Variants in IL7 observed in about 807,000 individuals in gnomAD.
IL7 encodes interleukin 7.
Under a neutral mutation model 21.6 loss-of-function variants are expected in IL7, and 3 were observed. That is an observed-to-expected ratio of 0.14 (90% CI 0.06 to 0.36). The LOEUF is 0.36. IL7 is among the 10% of genes least tolerant of loss of function. The pLI, the probability that IL7 is intolerant of heterozygous loss-of-function variation, is 1.00. For missense variants in IL7, 175 were observed against 200.2 expected (o/e 0.87, Z 0.76); for synonymous variants, 62 against 68.1 (o/e 0.91, Z 0.44).
At chr8:78,757,702 G>A (rs1047105699) in intron 2 of IL7, among the ~76,000 whole-genome samples, 1 of 151,986 alleles carries the variant, frequency 6.6e-6, no homozygotes, top group Non-Finnish European at 1.5e-5. Flanking sequence ...TATAAGTATA[G>A]CTACTCCTGC....
chr8:78,680,244 C>T (rs1047269406), intron 4 of IL7, among the ~76,000 whole-genome samples: 9 of 131,268 alleles, frequency 6.9e-5, no homozygotes, highest in Non-Finnish European at 1.2e-4. Flanking sequence ...AAGCAAAGTA[C>T]AGTCCGCAGT....
intron 2 of IL7, chr8:78,760,578 A>T (rs1205328453): frequency 6.4e-7 from 1 of 1,554,846 alleles, no homozygotes; most frequent in African/African-American, 1.4e-5. Flanking sequence ...AAAGTATTGA[A>T]TTTGAGTTGT....
At chr8:78,777,985 A>G (rs1235441601) in intron 2 of IL7, among the ~76,000 whole-genome samples, 1 of 151,906 alleles carries the variant, frequency 6.6e-6, no homozygotes, top group African/African-American at 2.4e-5. Flanking sequence ...CTACATCCAA[A>G]TCTCCTCTAG....
At chr8:78,771,750 A>G (rs923891601) in intron 2 of IL7, among the ~76,000 whole-genome samples, 1 of 152,112 alleles carries the variant, frequency 6.6e-6, no homozygotes, top group Non-Finnish European at 1.5e-5. Context: ...GAGGAAGCAC[A>G]CATTCTTCAG....
chr8:78,685,001 T>C (rs911970597), intron 4 of IL7, among the ~76,000 whole-genome samples: 10 of 152,114 alleles, frequency 6.6e-5, no homozygotes, highest in African/African-American at 2.2e-4. Flanking sequence ...CATCAAAAAA[T>C]TTATATACAT....
chr8:78,762,208 A>G, intron 2 of IL7: 7 of 1,585,596 alleles, frequency 4.4e-6, no homozygotes, highest in East Asian at 2.2e-5. Flanking sequence ...GAACTGTCCT[A>G]TAAGGACCAG....
Position 78,738,640 on chromosome 8 carries a change from T to C in IL7, c.229-5A>G. On this transcript the variant is annotated splice_region_variant and splice_polypyrimidine_tract_variant and intron_variant, in intron 3 of 5. Transcript: ENST00000263851. ...ACGGAATAAAAACATACCTTCCTAT[T>C]ATAGGAAAAAGTCAGAAGGGCCATG... The C allele has an allele frequency of 6.2e-7, 1 of 1,611,220 alleles. No individual in the cohort carries two copies. Among genetic ancestry groups the C allele is most frequent in the Non-Finnish European group, 8.5e-7 (1 of 1,178,740 alleles).
chr8:78,713,669 T>TGCTTG (rs1301931456), downstream of IL7, among the ~76,000 whole-genome samples: 1 of 152,184 alleles, frequency 6.6e-6, no homozygotes, highest in Non-Finnish European at 1.5e-5. Flanking sequence ...AGTGATTCTT[T>TGCTTG]GCTTGTTGAA....
At chr8:78,679,187 G>A (rs1481492733) in intron 4 of IL7, 1 of 152,136 alleles carries the variant, frequency 6.6e-6, no homozygotes, top group Admixed American at 6.5e-5. Flanking sequence ...GTTGTTCAGT[G>A]TCCAGATATA....
chr8:78,749,462 C>T (rs554319026), intron 2 of IL7, among the ~76,000 whole-genome samples: 1 of 151,972 alleles, frequency 6.6e-6, no homozygotes, highest in South Asian at 2.1e-4. Context: ...AAACCACTGC[C>T]CTAAAGTTGG....
rs550257227 is a variant in IL7 at position 78,726,707 on chromosome 8, C to A, written n.268-5267G>T. Among the ~76,000 whole-genome samples the A allele has an allele frequency of 5.9e-4, 90 of 152,038 alleles. 1 individual carries two copies. The South Asian group carries it at 8.5e-3, about 14-fold the overall frequency. ...GAAGCAAACTGAGACTTTCCTCCCCCACCTGAGTGTAAAACAAAATGATCA... is the reference window on the plus strand; with the variant it reads ...GAAGCAAACTGAGACTTTCCTCCCCAACCTGAGTGTAAAACAAAATGATCA... On this transcript the variant is annotated intron_variant and non_coding_transcript_variant, in intron 3 of 6. Transcript: ENST00000519833.
At chr8:78,708,177 T>G (rs1268678160) in intron 3 of IL7, among the ~76,000 whole-genome samples, 1 of 152,226 alleles carries the variant, frequency 6.6e-6, no homozygotes, top group Non-Finnish European at 1.5e-5. Context: ...TGGTCAGGTG[T>G]AATGCTCAAT....
At chr8:78,751,057 C>A (rs1586068827) in intron 2 of IL7, among the ~76,000 whole-genome samples, 3 of 138,950 alleles carry the variant, frequency 2.2e-5, no homozygotes, top group African/African-American at 5.4e-5. Flanking sequence ...AATGATAGGA[C>A]AACAGAAACT....
chr8:78,730,879 A>T (rs1018152186), downstream of IL7, among the ~76,000 whole-genome samples: 2 of 152,028 alleles, frequency 1.3e-5, 1 homozygote, highest in Non-Finnish European at 2.9e-5. Context: ...AAGGGAACAT[A>T]CATTAATATT....
chr8:78,698,178 T>C (rs563482962), intron 3 of IL7, among the ~76,000 whole-genome samples: 1 of 152,326 alleles, frequency 6.6e-6, no homozygotes, highest in Non-Finnish European at 1.5e-5. Context: ...GAAGAAGATA[T>C]TGACCACTGA....
intron 2 of IL7, among the ~76,000 whole-genome samples, chr8:78,787,278 AAGG>A (rs1270975520): frequency 2.6e-5 from 4 of 151,922 alleles, no homozygotes; most frequent in Admixed American, 1.3e-4. Flanking sequence ...GTGGAGGGGG[AAGG>A]AGGAGTCATG....
At chr8:78,776,895 T>C (rs1443912256) in intron 2 of IL7, among the ~76,000 whole-genome samples, 3 of 152,056 alleles carry the variant, frequency 2.0e-5, no homozygotes, top group Non-Finnish European at 4.4e-5. Flanking sequence ...GGTCATAACA[T>C]AAGTAGATGC....
chr8:78,767,263 G>A (rs1381022984), intron 2 of IL7, among the ~76,000 whole-genome samples: 1 of 151,802 alleles, frequency 6.6e-6, no homozygotes, highest in Non-Finnish European at 1.5e-5. Flanking sequence ...AGTGCATACA[G>A]TGTGAACAAG....
chr8:78,756,226 GT>G (rs1812341257), intron 2 of IL7, among the ~76,000 whole-genome samples: 1 of 151,894 alleles, frequency 6.6e-6, no homozygotes, highest in African/African-American at 2.4e-5. Context: ...GTTAGATTCA[GT>G]TTGTTAGTAT....
Sources: allele counts gnomAD v4.1 joint callset (sites outside exome capture counted in the v4.1 genomes callset), GRCh38; gene constraint gnomAD v4.1.1; transcripts MANE v1.5; gene names NCBI Gene and HGNC (gene_info 2026-07-23, HGNC 2026-07-21).